Variants in CACNA2D2 observed in about 807,000 individuals in gnomAD.
CACNA2D2 encodes voltage-dependent calcium channel subunit alpha-2/delta-2.
In CACNA2D2, 48 loss-of-function variants were observed where a neutral mutation model predicts 166.4. That is an observed-to-expected ratio of 0.29 (90% confidence interval 0.23 to 0.37). The LOEUF (loss-of-function observed/expected upper bound fraction) is 0.37, where lower values mean the gene tolerates loss of function less well. CACNA2D2 is among the 10% of genes least tolerant of loss of function. The pLI, the probability that CACNA2D2 is intolerant of heterozygous loss-of-function variation, is 1.00. For missense variants in CACNA2D2, 1,122 were observed against 1,433.0 expected (o/e 0.78, Z 3.50); for synonymous variants, 561 against 573.7 (o/e 0.98, Z 0.32).
At chr3:50,489,529 G>T (rs1398625846) in intron 1 of CACNA2D2, among the ~76,000 whole-genome samples, 1 of 151,828 alleles carries the variant, frequency 6.6e-6, no homozygotes, top group East Asian at 1.9e-4. Context: ...CCAAGGCATG[G>T]TAAGTGCTAG....
chr3:50,365,880 G>A lies in CACNA2D2; in HGVS notation c.2863-18C>T. Reference sequence around the variant, plus strand: ...ACGGTGGGCTGCAGTGGAGAGAGGGGCGTGGACTGCCACTGCTGCCCCTCG... The same window carrying A: ...ACGGTGGGCTGCAGTGGAGAGAGGGACGTGGACTGCCACTGCTGCCCCTCG... On this transcript the variant is annotated intron_variant, in intron 32 of 37. Transcript: ENST00000424201. The surrounding 1 kb of genome is among the most constrained non-coding windows in gnomAD (Gnocchi z 4.5). The A allele has an allele frequency of 6.2e-7, 1 of 1,612,954 alleles. No individual in the cohort carries two copies. Among genetic ancestry groups the A allele is most frequent in the South Asian group, 1.1e-5 (1 of 91,060 alleles).
chr3:50,488,148 T>C (rs1329486528), intron 1 of CACNA2D2, among the ~76,000 whole-genome samples: 2 of 152,196 alleles, frequency 1.3e-5, no homozygotes, highest in East Asian at 3.9e-4. Flanking sequence ...GCACAACATA[T>C]GCAAGGCCCA....
At chr3:50,395,515 T>A (rs541454651) in intron 3 of CACNA2D2, among the ~76,000 whole-genome samples, 2 of 152,242 alleles carry the variant, frequency 1.3e-5, no homozygotes, top group African/African-American at 4.8e-5. Context: ...ACCTCCGGGC[T>A]TACAGCCCTA....
chr3:50,383,006 T>C (rs1169216224), intron 6 of CACNA2D2, among the ~76,000 whole-genome samples: 1 of 152,224 alleles, frequency 6.6e-6, no homozygotes, highest in African/African-American at 2.4e-5. Context: ...TCTCAGATCA[T>C]GCTGAGTTGG....
intron 1 of CACNA2D2, among the ~76,000 whole-genome samples, chr3:50,501,656 A>C (rs1698968998): frequency 6.6e-6 from 1 of 152,216 alleles, no homozygotes; most frequent in Admixed American, 6.5e-5. Context: ...AGGTGGAAAG[A>C]GACATCCACT....
rs866612965 is a variant in CACNA2D2 at position 50,461,916 on chromosome 3, C to T, written c.288+14202G>A. Among the ~76,000 whole-genome samples the T allele has an allele frequency of 3.9e-5, 6 of 152,200 alleles. No homozygotes were observed. The South Asian group carries it at 8.3e-4, about 21-fold the overall frequency. ...GGAAATCCCAGGGACACATTGGTGCCGCAGGCTGGGAGAGCAGCCAGTCTT... is the reference window on the plus strand; with the variant it reads ...GGAAATCCCAGGGACACATTGGTGCTGCAGGCTGGGAGAGCAGCCAGTCTT... On this transcript the variant is annotated intron_variant, in intron 2 of 37. Transcript: ENST00000424201.
At chr3:50,438,219 C>G (rs772499227) in intron 2 of CACNA2D2, among the ~76,000 whole-genome samples, 1 of 152,004 alleles carries the variant, frequency 6.6e-6, no homozygotes, top group Non-Finnish European at 1.5e-5. Flanking sequence ...ATTCCTGGTT[C>G]CCCCCCTTGT....
intron 5 of CACNA2D2, among the ~76,000 whole-genome samples, 182 bp downstream of exon 5, chr3:50,387,386 G>C (rs1023601917): frequency 5.9e-5 from 9 of 152,238 alleles, no homozygotes; most frequent in African/African-American, 2.2e-4. Context: ...CTAGTGCACA[G>C]AGATGCAGCC....
chr3:50,372,974 T>C, intron 22 of CACNA2D2: 2 of 759,390 alleles, frequency 2.6e-6, no homozygotes, highest in South Asian at 1.6e-5. Flanking sequence ...AGCAGGGGTT[T>C]GGCTGGTCCT....
rs911459273 is a variant in CACNA2D2, at chr3:50,380,315, A to T, written c.843-297T>A. ...AGTGGCTTGTTGTGTCCTCTGCCTC[A>T]GGTTGGGGCCCCGAGGGCACAGTCT... On this transcript the variant is annotated intron_variant, in intron 8 of 37. Transcript: ENST00000424201. This position sits in a 1 kb window ranked among gnomAD's most constrained non-coding sequence, Gnocchi z 4.9. Among the ~76,000 whole-genome samples, 5 of 152,176 alleles carry T rather than the reference A, an allele frequency of 3.3e-5. No homozygotes were observed. The highest frequency in any genetic ancestry group is 1.2e-4 in the African/African-American group (5 of 41,424).
Position 50,365,594 on chromosome 3 carries a change from G to A in CACNA2D2, c.2971+39C>T. ...TGGAGTCGTCTTAGCTCAGATTGGG[G>A]ACCCGGACTTGAGGAGGCGCCTCCA... On this transcript the variant is annotated intron_variant, in intron 34 of 37. Transcript: ENST00000424201. This position sits in a 1 kb window ranked among gnomAD's most constrained non-coding sequence, Gnocchi z 4.5. 3 of 1,574,366 alleles carry A rather than the reference G, an allele frequency of 1.9e-6. No homozygotes were observed. Among genetic ancestry groups the A allele is most frequent in the Non-Finnish European group, 2.6e-6 (3 of 1,159,524 alleles).
At chr3:50,457,849 C>T (rs966172716) in intron 2 of CACNA2D2, among the ~76,000 whole-genome samples, 1 of 152,212 alleles carries the variant, frequency 6.6e-6, no homozygotes, top group Non-Finnish European at 1.5e-5. Context: ...GAAGCTCAAT[C>T]TCAATAGGTG....
At chr3:50,431,278 A>G (rs992742688) in intron 3 of CACNA2D2, among the ~76,000 whole-genome samples, 1 of 152,152 alleles carries the variant, frequency 6.6e-6, no homozygotes, top group Non-Finnish European at 1.5e-5. Flanking sequence ...AATTAAAACC[A>G]AAGCTCATCT....
Position 50,377,820 on chromosome 3 carries a change from A to G in CACNA2D2, c.1480-17T>C. ...CCCCAGTCCCTGAAGGGAGAGGAAGATGATGGAGTCACCTGTGGCCAGCAC... is the reference window on the plus strand; with the variant it reads ...CCCCAGTCCCTGAAGGGAGAGGAAGGTGATGGAGTCACCTGTGGCCAGCAC... On this transcript the variant is annotated splice_polypyrimidine_tract_variant and intron_variant, in intron 15 of 37. Transcript: ENST00000424201. 6.2e-7 allele frequency: 1 copy of G among 1,608,936 alleles called. No homozygotes were observed. The highest frequency in any genetic ancestry group is 8.5e-7 in the Non-Finnish European group (1 of 1,176,824).
chr3:50,483,640 T>C (rs1698155616), intron 1 of CACNA2D2, among the ~76,000 whole-genome samples: 1 of 152,096 alleles, frequency 6.6e-6, no homozygotes, highest in Non-Finnish European at 1.5e-5. Flanking sequence ...CAGCACAGCC[T>C]GGAGCCAGGT....
chr3:50,439,196 T>C (rs983642469), intron 2 of CACNA2D2, among the ~76,000 whole-genome samples: 1 of 152,182 alleles, frequency 6.6e-6, no homozygotes, highest in Admixed American at 6.5e-5. Flanking sequence ...CCTGAAGGGC[T>C]TGGGGCGGAT....
At chr3:50,401,547 T>A (rs994325279) in intron 3 of CACNA2D2, among the ~76,000 whole-genome samples, 1 of 152,196 alleles carries the variant, frequency 6.6e-6, no homozygotes, top group Non-Finnish European at 1.5e-5. Context: ...GAGCCTGGTA[T>A]CCCAGATGCT....
chr3:50,461,745 CAA>C (rs561980044), intron 2 of CACNA2D2, among the ~76,000 whole-genome samples: 6 of 40,576 alleles, frequency 1.5e-4, no homozygotes, highest in Non-Finnish European at 2.0e-4. Context: ...TGGGGAGTCT[CAA>C]AAAAAAAAAA....
At chr3:50,450,412 C>T (rs1240185317) in intron 2 of CACNA2D2, among the ~76,000 whole-genome samples, 1 of 150,950 alleles carries the variant, frequency 6.6e-6, no homozygotes, top group South Asian at 2.1e-4. Context: ...GCTAATTCCT[C>T]GCCAGAACTG....
Sources: gnomAD v4.1 joint callset for allele counts (sites outside exome capture counted in the v4.1 genomes callset) on GRCh38, gnomAD v4.1.1 for gene constraint, Gnocchi (gnomAD v3.1) non-coding constraint, MANE v1.5 for transcripts, NCBI Gene and HGNC (gene_info 2026-07-23, HGNC 2026-07-21) for gene names.